Variants in BAZ1B observed in about 807,000 individuals in gnomAD.
The protein encoded by BAZ1B is tyrosine-protein kinase BAZ1B.
Under a neutral mutation model 153.8 loss-of-function variants are expected in BAZ1B, and 22 were observed. The observed-to-expected ratio is 0.14, with a 90% CI of 0.10 to 0.20. The LOEUF (loss-of-function observed/expected upper bound fraction) is 0.20. Ranked by LOEUF, BAZ1B falls within the 10% of genes least tolerant of loss-of-function variation. The probability of loss-of-function intolerance (pLI) is 1.00; values close to 1 mark genes in which losing one functional copy is unlikely to be tolerated. For missense variants in BAZ1B, 1,325 were observed against 1,799.3 expected, an observed-to-expected ratio of 0.74 and a Z score of 4.77; for synonymous variants, 676 against 633.4, an observed-to-expected ratio of 1.07 and a Z score of -1.01.
intron 5 of BAZ1B, among the ~76,000 whole-genome samples, chr7:73,490,789 G>C (rs1326085792): frequency 6.6e-6 from 1 of 151,468 alleles, no homozygotes; most frequent in Non-Finnish European, 1.5e-5. Context: ...ATTTTTAGTA[G>C]AGATGGGGTT....
intron 7 of BAZ1B, among the ~76,000 whole-genome samples, chr7:73,472,931 A>AC (rs1414167219): frequency 6.9e-6 from 1 of 144,420 alleles, no homozygotes; most frequent in Non-Finnish European, 1.5e-5. Context: ...GCACCACCAC[A>AC]CCCAGCTGAT....
chr7:73,519,790 T>C (rs1554579833), intron 1 of BAZ1B, among the ~76,000 whole-genome samples: 1 of 150,978 alleles, frequency 6.6e-6, no homozygotes, highest in Non-Finnish European at 1.5e-5. Flanking sequence ...GAACCAGACC[T>C]GAGAAAGTAT....
At chr7:73,462,870 T>C in intron 12 of BAZ1B, 52 bp downstream of exon 12, 1 of 1,585,018 alleles carries the variant, frequency 6.3e-7, no homozygotes, top group Non-Finnish European at 8.7e-7. Context: ...AGGGAAGAAC[T>C]TCAGATTGAG....
rs1787968424 is a variant in BAZ1B, at chr7:73,449,814, AGTT to A, written c.3581-128_3581-126del. On this transcript the variant is annotated intron_variant, in intron 14 of 19. Transcript: ENST00000339594. ...AGACATGTTCCATAGAATGCTACCCAGTTGTTGCTTTGTAAATGCAGGCATTTT... is the reference window on the plus strand; with the variant it reads ...AGACATGTTCCATAGAATGCTACCCAGTTGCTTTGTAAATGCAGGCATTTT... 6 of 1,034,770 alleles carry A rather than the reference AGTT, an allele frequency of 5.8e-6. No individual in the cohort carries two copies. In the South Asian group the frequency reaches 1.3e-4, roughly 23 times the overall value. The allele number at this position is 1,034,770 out of a possible 1,614,324, so 64.1% of individuals were successfully genotyped here. A position where few individuals can be genotyped will look rare whatever the true frequency, so the allele number is the denominator to read the frequency against.
intron 3 of BAZ1B, among the ~76,000 whole-genome samples, 156 bp downstream of exon 3, chr7:73,508,171 G>T (rs942395337): frequency 6.6e-5 from 10 of 151,948 alleles, no homozygotes; most frequent in Non-Finnish European, 1.3e-4. Flanking sequence ...ACAAAACCAA[G>T]AAAACACACA....
chr7:73,442,273 C>T lies in BAZ1B; in HGVS notation c.4375G>A (p.Asp1459Asn). 1 of 1,614,104 alleles carries T rather than the reference C, an allele frequency of 6.2e-7. No homozygotes were observed. The highest frequency in any genetic ancestry group is 1.1e-5 in the South Asian group (1 of 91,082). ...YVRRKRKKFPDRLAEDEGDSE... is the reference protein window; with the variant it reads ...YVRRKRKKFPNRLAEDEGDSE... Reference sequence around the variant, plus strand: ...TCCCCTTCATCTTCAGCAAGCCTATCAGGAAACTTCTTGCGCTTCCTGCGG... The same window carrying T: ...TCCCCTTCATCTTCAGCAAGCCTATTAGGAAACTTCTTGCGCTTCCTGCGG... The change falls in exon 19 of 20, where the codon GAT (aspartate) becomes AAT (asparagine). Residue 1459 changes from aspartate (D) to asparagine (N), a missense_variant. Around this residue, in one of 9 missense-constraint regions of BAZ1B, gnomAD observed 271 missense variants for 337.2 expected, o/e 0.80. Transcript: ENST00000339594.
At chr7:73,488,051 C>T (rs965149161) in intron 6 of BAZ1B, among the ~76,000 whole-genome samples, 12 of 152,046 alleles carry the variant, frequency 7.9e-5, no homozygotes, top group Non-Finnish European at 1.8e-4. Context: ...CTTCAGATGT[C>T]TTTATATTTT....
chr7:73,493,630 C>T (rs747746193), intron 4 of BAZ1B, among the ~76,000 whole-genome samples: 1 of 151,716 alleles, frequency 6.6e-6, no homozygotes, highest in East Asian at 1.9e-4. Context: ...CCCCTGAGTC[C>T]AGGAGTTCGA....
At position 73,493,002 on chromosome 7, in the gene BAZ1B, C is replaced by T. The variant is rs143954140; in HGVS notation, c.572-81G>A. On this transcript the variant is annotated intron_variant, in intron 4 of 19. Transcript: ENST00000339594. Reference sequence around the variant, plus strand: ...CATTCATTAACAAGTCTTAACTGAACGTCTGCTCTTCACTAGGCACTGGGT... The same window carrying T: ...CATTCATTAACAAGTCTTAACTGAATGTCTGCTCTTCACTAGGCACTGGGT... The T allele has an allele frequency of 4.0e-3, 5,678 of 1,414,372 alleles. 20 individuals are homozygous for T. Among genetic ancestry groups the T allele is most frequent in the Middle Eastern group, 0.011 (42 of 3,834 alleles). 87.6% of individuals were successfully genotyped at this position (1,414,372 alleles called of 1,614,324 possible).
At chr7:73,446,506 A>G (rs1490273878) in intron 16 of BAZ1B, among the ~76,000 whole-genome samples, 1 of 149,000 alleles carries the variant, frequency 6.7e-6, no homozygotes, top group Non-Finnish European at 1.5e-5. Context: ...ATCTGAGGTC[A>G]TACCACTGCA....
At chr7:73,442,655 A>C in intron 18 of BAZ1B, 70 bp downstream of exon 18, 1 of 1,561,954 alleles carries the variant, frequency 6.4e-7, no homozygotes, top group South Asian at 1.2e-5. Context: ...AGAGCCCCTC[A>C]GGGGCTCTGG....
At chr7:73,483,451 G>C (rs907429957) in intron 6 of BAZ1B, among the ~76,000 whole-genome samples, 1 of 152,132 alleles carries the variant, frequency 6.6e-6, no homozygotes, top group African/African-American at 2.4e-5. Context: ...CACTCAAATA[G>C]TGGGCTTTTC....
chr7:73,467,445 C>T (rs574172538), intron 9 of BAZ1B, among the ~76,000 whole-genome samples: 62 of 152,272 alleles, frequency 4.1e-4, no homozygotes, highest in African/African-American at 1.4e-3. Context: ...TCTTGGCTCA[C>T]TGCAACCCCT....
rs189075030 is a variant in BAZ1B at position 73,517,074 on chromosome 7, T to C, written c.107+4753A>G. 5.8e-3 allele frequency among the ~76,000 whole-genome samples: 877 copies of C among 151,676 alleles called. 9 individuals carry two copies. The highest frequency in any genetic ancestry group is 0.02 in the African/African-American group (825 of 41,330). On this transcript the variant is annotated intron_variant, in intron 1 of 19. Coordinates refer to ENST00000339594, the MANE Select transcript of BAZ1B (RefSeq NM_032408.4). ...GGTGGGTGCCTGTAATCCCAGTTGC[T>C]TGGGAGTCTGAGGCAGGAGAATTGC...
chr7:73,447,043 G>A (rs1195176435), intron 16 of BAZ1B, among the ~76,000 whole-genome samples: 1 of 152,200 alleles, frequency 6.6e-6, no homozygotes, highest in African/African-American at 2.4e-5. Context: ...GTGGGTTGAT[G>A]TTACTGAGAT....
chr7:73,472,562 G>A (rs1788846593), intron 7 of BAZ1B, among the ~76,000 whole-genome samples: 1 of 152,094 alleles, frequency 6.6e-6, no homozygotes, highest in Non-Finnish European at 1.5e-5. Context: ...CCCGGCCGCA[G>A]TTATACTTTC....
At chr7:73,512,459 A>T (rs1053275470) in intron 1 of BAZ1B, among the ~76,000 whole-genome samples, 1 of 152,204 alleles carries the variant, frequency 6.6e-6, no homozygotes, top group African/African-American at 2.4e-5. Flanking sequence ...TACTTTTGAT[A>T]TAATATTTAT....
At chr7:73,480,245 G>A (rs1188353104) in intron 6 of BAZ1B, among the ~76,000 whole-genome samples, 1 of 151,400 alleles carries the variant, frequency 6.6e-6, no homozygotes, top group Non-Finnish European at 1.5e-5. Context: ...AGCAAACACA[G>A]TATGTTCCTT....
intron 1 of BAZ1B, 84 bp downstream of exon 1, chr7:73,521,743 C>A (rs1204948671): frequency 8.4e-6 from 10 of 1,190,158 alleles, no homozygotes; most frequent in South Asian, 1.7e-5. Context: ...GCCGGGGATG[C>A]GCGGCTGACC....
Sources: gnomAD v4.1 joint callset for allele counts (sites outside exome capture counted in the v4.1 genomes callset) on GRCh38, gnomAD v4.1.1 for gene constraint, gnomAD v4.1.1 regional missense constraint, MANE v1.5 for transcripts, NCBI Gene and HGNC (gene_info 2026-07-23, HGNC 2026-07-21) for gene names.